Variants in FANCC observed in about 807,000 individuals in gnomAD.
FANCC encodes FA complementation group C, also known as Fanconi anemia group C protein.
In FANCC, 55 loss-of-function variants were observed where a neutral mutation model predicts 71.3. The observed-to-expected ratio is 0.77, with a 90% CI of 0.62 to 0.97. The LOEUF (loss-of-function observed/expected upper bound fraction) is 0.97. FANCC is among the 50% of genes least tolerant of loss of function. FANCC has a pLI of 0.00. For synonymous variants in FANCC, 275 were observed against 244.9 expected (o/e 1.12, Z -1.15); for missense variants, 678 against 670.9 (o/e 1.01, Z -0.12).
chr9:95,288,817 A>T (rs1041895518), intron 1 of FANCC, among the ~76,000 whole-genome samples: 2 of 151,470 alleles, frequency 1.3e-5, no homozygotes, highest in African/African-American at 4.9e-5. Context: ...ATTTCAGACC[A>T]GGCTTGGTAG....
chr9:95,293,260 G>A, intron 1 of FANCC: 2 of 1,613,310 alleles, frequency 1.2e-6, no homozygotes, highest in South Asian at 2.2e-5. Flanking sequence ...AACTACCCGT[G>A]ATGCAGTTTT....
intron 4 of FANCC, among the ~76,000 whole-genome samples, chr9:95,213,841 C>T (rs1416026320): frequency 6.6e-6 from 1 of 152,124 alleles, no homozygotes; most frequent in Non-Finnish European, 1.5e-5. Context: ...TCAAAAGACA[C>T]TACAGATACA....
At chr9:95,171,244 A>G in intron 5 of FANCC, 101 bp from the exon 6 acceptor site, 1 of 846,356 alleles carries the variant, frequency 1.2e-6, no homozygotes, top group South Asian at 1.4e-5. Context: ...AGATTCCCCC[A>G]ACCCCCATCT....
At chr9:95,223,895 T>C (rs1688884414) in intron 4 of FANCC, among the ~76,000 whole-genome samples, 1 of 152,170 alleles carries the variant, frequency 6.6e-6, no homozygotes, top group Non-Finnish European at 1.5e-5. Context: ...GAGAATTGCT[T>C]GAACCCGGGA....
chr9:95,201,652 A>G (rs1228181171), intron 4 of FANCC, among the ~76,000 whole-genome samples: 2 of 152,238 alleles, frequency 1.3e-5, no homozygotes, highest in Non-Finnish European at 2.9e-5. Flanking sequence ...AACAAAATGT[A>G]GGGAAAAAAA....
intron 1 of FANCC, among the ~76,000 whole-genome samples, chr9:95,282,862 T>C (rs1434512766): frequency 6.6e-6 from 1 of 151,942 alleles, no homozygotes; most frequent in East Asian, 1.9e-4. Flanking sequence ...AAAGAGAAAT[T>C]TAAAAATATC....
In FANCC at chr9:95,176,546, C is replaced by T. The variant is rs1266111243; in HGVS notation, c.346-4399G>A. 2.0e-5 allele frequency among the ~76,000 whole-genome samples: 3 copies of T among 152,364 alleles called. No individual in the cohort carries two copies. In the East Asian group the frequency reaches 5.8e-4, roughly 29 times the overall value. On this transcript the variant is annotated intron_variant, in intron 4 of 14. Transcript: ENST00000289081. ...AATTGACTTCTTGAAGGAATTCTAG[C>T]AATTGTGACAACCACAATTTACCAA...
At chr9:95,303,251 G>A (rs965931869) in intron 1 of FANCC, among the ~76,000 whole-genome samples, 1 of 152,114 alleles carries the variant, frequency 6.6e-6, no homozygotes, top group African/African-American at 2.4e-5. Flanking sequence ...ATAATTAAAC[G>A]TACCTATTGA....
At chr9:95,158,315 T>TA (rs1258425969) in intron 6 of FANCC, among the ~76,000 whole-genome samples, 1 of 152,192 alleles carries the variant, frequency 6.6e-6, no homozygotes, top group African/African-American at 2.4e-5. Flanking sequence ...ACTTAGATGA[T>TA]AGACTCAAAA....
At chr9:95,270,905 A>G (rs1198984345) in intron 1 of FANCC, among the ~76,000 whole-genome samples, 3 of 152,118 alleles carry the variant, frequency 2.0e-5, no homozygotes, top group Non-Finnish European at 4.4e-5. Flanking sequence ...ACTTCACTAG[A>G]ATGTTAGGTG....
intron 4 of FANCC, among the ~76,000 whole-genome samples, chr9:95,180,003 C>G (rs151296418): frequency 1.5e-3 from 236 of 152,344 alleles, no homozygotes; most frequent in Non-Finnish European, 2.6e-3. Context: ...ATGAACAAGG[C>G]TGATTCTATC....
chr9:95,120,195 T>C (rs1163451178), intron 10 of FANCC, among the ~76,000 whole-genome samples: 1 of 152,246 alleles, frequency 6.6e-6, no homozygotes, highest in Non-Finnish European at 1.5e-5. Flanking sequence ...TTGTGTGCTT[T>C]ACAAGGTAAT....
Position 95,217,565 on chromosome 9 carries a change from T to A in FANCC, c.345+23084A>T, listed in dbSNP as rs188634412. On this transcript the variant is annotated intron_variant, in intron 4 of 14. Coordinates refer to ENST00000289081, the MANE Select transcript of FANCC (RefSeq NM_000136.3). ...ACAAGGAAAATTAGTAAATTTTTTT[T>A]AACTAAATTTAAATAAAAACACAAT... 3.1e-3 allele frequency among the ~76,000 whole-genome samples: 476 copies of A among 152,246 alleles called. 6 individuals carry two copies. The highest frequency in any genetic ancestry group is 0.011 in the African/African-American group (442 of 41,558).
At chr9:95,218,186 C>T (rs755525727) in intron 4 of FANCC, among the ~76,000 whole-genome samples, 1 of 152,128 alleles carries the variant, frequency 6.6e-6, no homozygotes, top group African/African-American at 2.4e-5. Context: ...AAGGGCAGGC[C>T]GAGTGTGGTG....
At chr9:95,227,538 C>T (rs17686583) in intron 4 of FANCC, among the ~76,000 whole-genome samples, 58,405 of 152,040 alleles carry the variant, frequency 0.38, 11,815 homozygotes, top group East Asian at 0.58. Flanking sequence ...TAAAACCTAA[C>T]GCTATCCTCC....
chr9:95,244,708 A>C (rs900382110), intron 3 of FANCC, among the ~76,000 whole-genome samples: 6 of 149,642 alleles, frequency 4.0e-5, no homozygotes, highest in African/African-American at 9.8e-5. Flanking sequence ...AAAAAAAAAA[A>C]AAAAACCCAA....
intron 4 of FANCC, among the ~76,000 whole-genome samples, chr9:95,181,171 G>A (rs1303093710): frequency 1.4e-5 from 2 of 147,794 alleles, no homozygotes; most frequent in African/African-American, 2.5e-5. Flanking sequence ...GTGTGTGTGT[G>A]TGTGTGTGTG....
At chr9:95,242,141 C>T (rs2136057737) in intron 3 of FANCC, among the ~76,000 whole-genome samples, 1 of 152,156 alleles carries the variant, frequency 6.6e-6, no homozygotes, top group African/African-American at 2.4e-5. Context: ...TCTGAAAAAA[C>T]TTTATCAGGG....
intron 4 of FANCC, among the ~76,000 whole-genome samples, chr9:95,180,860 T>C (rs1826311951): frequency 1.3e-5 from 2 of 152,132 alleles, no homozygotes; most frequent in Admixed American, 1.3e-4. Context: ...TTATAACACC[T>C]ATGATGTCCC....
Sources: gnomAD v4.1 joint callset for allele counts (sites outside exome capture counted in the v4.1 genomes callset) on GRCh38, gnomAD v4.1.1 for gene constraint, MANE v1.5 for transcripts, NCBI Gene and HGNC (gene_info 2026-07-23, HGNC 2026-07-21) for gene names.